NUP98: variants seen among roughly 807,000 people sequenced by gnomAD.
NUP98 encodes nuclear pore complex protein Nup98-Nup96.
In NUP98, 26 loss-of-function variants were observed where a neutral mutation model predicts 191.9. The ratio of observed to expected loss-of-function variants is 0.14; its 90% confidence interval spans 0.10 to 0.19. The LOEUF is 0.19. Among genes scored for constraint, NUP98 ranks in the 10% least tolerant of loss-of-function variants. The pLI, the probability that NUP98 is intolerant of heterozygous loss-of-function variation, is 1.00. For missense variants in NUP98, 1,941 were observed against 2,178.8 expected (o/e 0.89, Z 2.17); for synonymous variants, 808 against 778.4 (o/e 1.04, Z -0.63).
chr11:3,683,311 T>C lies in NUP98; in HGVS notation c.4807A>G (p.Lys1603Glu). The C allele has an allele frequency of 6.2e-7, 1 of 1,614,192 alleles. No individual in the cohort carries two copies. Residue 1603 changes from lysine to glutamate, a missense_variant, in exon 30 of 33, where the codon AAA (lysine) becomes GAA (glutamate). By Grantham distance (56) the Lys-to-Glu change is moderately conservative (BLOSUM62 1). Transcript: ENST00000324932. ...RVPAKWIHEA[K>E]AVRAHMESDK... ...GATTCCATGTGTGCTCGCACAGCTTTGGCCTCGTGGATCCATTTGGCAGGT... is the reference window on the plus strand; with the variant it reads ...GATTCCATGTGTGCTCGCACAGCTTCGGCCTCGTGGATCCATTTGGCAGGT...
chr11:3,688,551 T>C (rs1042697929), intron 28 of NUP98, among the ~76,000 whole-genome samples: 11 of 151,324 alleles, frequency 7.3e-5, no homozygotes, highest in African/African-American at 2.2e-4. Flanking sequence ...TCCCAGCACT[T>C]TGGGAGGCCG....
intron 1 of NUP98, among the ~76,000 whole-genome samples, chr11:3,786,580 T>G (rs1052621255): frequency 6.6e-6 from 1 of 152,206 alleles, no homozygotes; most frequent in Non-Finnish European, 1.5e-5. Context: ...TCCTAATTAA[T>G]AATTCAGATT....
intron 11 of NUP98, among the ~76,000 whole-genome samples, chr11:3,751,291 G>A (rs2080740766): frequency 6.6e-6 from 1 of 152,158 alleles, no homozygotes; most frequent in African/African-American, 2.4e-5. Context: ...CCAGGAGGCG[G>A]AGGCTGCGGT....
At chr11:3,698,918 G>T in intron 25 of NUP98, 164 bp downstream of exon 25, 1 of 744,708 alleles carries the variant, frequency 1.3e-6, no homozygotes, top group Non-Finnish European at 2.2e-6. Flanking sequence ...TAAATTTTAT[G>T]TTATATTACA....
intron 1 of NUP98, among the ~76,000 whole-genome samples, chr11:3,795,696 AATG>A (rs1221113548): frequency 7.9e-5 from 12 of 152,208 alleles, no homozygotes; most frequent in Non-Finnish European, 1.5e-4. Context: ...CTAAAATAAA[AATG>A]ATATGTGCTA....
chr11:3,686,979 A>AAATAAT (rs34589257), intron 28 of NUP98, among the ~76,000 whole-genome samples: 1 of 151,938 alleles, frequency 6.6e-6, no homozygotes, highest in South Asian at 2.1e-4. Context: ...CTCCAACTCA[A>AAATAAT]AATAATAATA....
At chr11:3,705,550 T>C (rs534441584) in intron 21 of NUP98, among the ~76,000 whole-genome samples, 194 bp from the exon 22 acceptor site, 1 of 150,176 alleles carries the variant, frequency 6.7e-6, no homozygotes, top group South Asian at 2.1e-4. Context: ...ATACTTCTCT[T>C]CTTTGTATCT....
chr11:3,777,207 G>C (rs1488121710), intron 4 of NUP98, among the ~76,000 whole-genome samples: 1 of 151,876 alleles, frequency 6.6e-6, no homozygotes, highest in Non-Finnish European at 1.5e-5. Context: ...AACTAATAAA[G>C]AAATAGCAAA....
intron 12 of NUP98, among the ~76,000 whole-genome samples, chr11:3,739,883 C>A (rs2080215298): frequency 6.6e-6 from 1 of 151,988 alleles, no homozygotes; most frequent in Non-Finnish European, 1.5e-5. Context: ...CCTCTGCCAC[C>A]CCTGAGAGAG....
At chr11:3,781,055 G>A (rs1481260740) in intron 2 of NUP98, among the ~76,000 whole-genome samples, 3 of 151,936 alleles carry the variant, frequency 2.0e-5, no homozygotes, top group Non-Finnish European at 4.4e-5. Context: ...GCGTGGTGGT[G>A]TGCAACTGTG....
At chr11:3,760,054 A>T (rs956530040) in intron 10 of NUP98, 18 of 161,510 alleles carry the variant, frequency 1.1e-4, no homozygotes, top group Admixed American at 1.8e-4. Flanking sequence ...GCAATGGCTC[A>T]CACCTGTAAT....
chr11:3,779,720 T>C (rs984178934), intron 2 of NUP98, among the ~76,000 whole-genome samples: 1 of 152,122 alleles, frequency 6.6e-6, no homozygotes, highest in African/African-American at 2.4e-5. Context: ...AGAGTATGAA[T>C]TACAGAGTAA....
At position 3,726,021 on chromosome 11, in the gene NUP98, C is replaced by G. The variant is rs563078890; in HGVS notation, c.1731-802G>C. ...TGAAACAAGGTTTCGCCAGGTTGCC[C>G]AGGCTGGTCTAACTTAGCCTAATGT... On this transcript the variant is annotated intron_variant, in intron 14 of 32. Coordinates refer to ENST00000324932, the MANE Select transcript of NUP98 (RefSeq NM_016320.5). 2.0e-5 allele frequency among the ~76,000 whole-genome samples: 3 copies of G among 152,258 alleles called. No homozygotes were observed. The East Asian group carries it at 5.8e-4, about 29-fold the overall frequency.
chr11:3,737,713 T>C (rs1740813578), intron 12 of NUP98, among the ~76,000 whole-genome samples: 1 of 152,156 alleles, frequency 6.6e-6, no homozygotes, highest in South Asian at 2.1e-4. Context: ...AAAATCGATG[T>C]ATTCAATAAA....
At chr11:3,764,662 T>A (rs2081279232) in intron 8 of NUP98, among the ~76,000 whole-genome samples, 1 of 152,190 alleles carries the variant, frequency 6.6e-6, no homozygotes, top group African/African-American at 2.4e-5. Flanking sequence ...CACCACAACC[T>A]CCGCCTCCCG....
At position 3,686,153 on chromosome 11, in the gene NUP98, G is replaced by A; in HGVS notation, c.4496C>T (p.Thr1499Ile). The change falls in exon 29 of 33, where the codon ACA (threonine) becomes ATA (isoleucine). Residue 1499 changes from threonine (T) to isoleucine (I), a missense_variant. Transcript: ENST00000324932. ...TAGGCGGTAGTCCAAAGGATCTGCTGTTATGCTTCGAGGCTCCAGCAGCTG... is the reference window on the plus strand; with the variant it reads ...TAGGCGGTAGTCCAAAGGATCTGCTATTATGCTTCGAGGCTCCAGCAGCTG... ...LNQLLEPRSI[T>I]ADPLDYRLSW... 1 of 1,614,254 alleles carries A rather than the reference G, an allele frequency of 6.2e-7. No homozygotes were observed. Among genetic ancestry groups the A allele is most frequent in the South Asian group, 1.1e-5 (1 of 91,090 alleles).
intron 12 of NUP98, among the ~76,000 whole-genome samples, chr11:3,737,513 G>C (rs2080113060): frequency 6.6e-6 from 1 of 152,066 alleles, no homozygotes; most frequent in African/African-American, 2.4e-5. Flanking sequence ...TGTAGTCCCA[G>C]CTACTCCGGA....
chr11:3,743,693 T>C (rs1589857479), intron 12 of NUP98, among the ~76,000 whole-genome samples: 1 of 131,870 alleles, frequency 7.6e-6, no homozygotes, highest in African/African-American at 2.8e-5. Context: ...AAGTTCAAAA[T>C]ACATAATAAA....
At chr11:3,709,545 TAAATA>T (rs1316844353) in intron 20 of NUP98, among the ~76,000 whole-genome samples, 1 of 151,214 alleles carries the variant, frequency 6.6e-6, no homozygotes, top group Non-Finnish European at 1.5e-5. Flanking sequence ...TCTAAAACAA[TAAATA>T]AATAAATTAG....
Sources: gnomAD v4.1 joint callset for allele counts (sites outside exome capture counted in the v4.1 genomes callset) on GRCh38, gnomAD v4.1.1 for gene constraint, MANE v1.5 for transcripts, NCBI Gene and HGNC (gene_info 2026-07-23, HGNC 2026-07-21) for gene names.